The following NSD1 variants were observed in gnomAD, a reference collection of about 807,000 sequenced individuals.
The protein encoded by NSD1 is nuclear receptor binding SET domain protein 1.
A neutral mutation model predicts 242.7 loss-of-function variants in NSD1; 26 were observed. The observed-to-expected ratio is 0.11, with a 90% CI of 0.08 to 0.15. The LOEUF (loss-of-function observed/expected upper bound fraction) is 0.15, where lower values mean the gene tolerates loss of function less well. Ranked by LOEUF, NSD1 falls within the 10% of genes least tolerant of loss-of-function variation. NSD1 has a pLI of 1.00. For missense variants in NSD1, 2,495 were observed against 3,272.8 expected (o/e 0.76, Z 5.80); for synonymous variants, 1,106 against 1,178.1 (o/e 0.94, Z 1.25).
At chr5:177,257,935 A>T (rs1479178148) in intron 13 of NSD1, among the ~76,000 whole-genome samples, 1 of 134,346 alleles carries the variant, frequency 7.4e-6, no homozygotes, top group South Asian at 2.3e-4. Flanking sequence ...AAGTGCTGGC[A>T]TTACAGGCGT....
At chr5:177,199,577 A>C (rs969828532) in intron 3 of NSD1, among the ~76,000 whole-genome samples, 1 of 133,228 alleles carries the variant, frequency 7.5e-6, no homozygotes, top group African/African-American at 3.4e-5. Flanking sequence ...ATTCAACTTA[A>C]TATTTTCTTT....
chr5:177,133,964 GC>G lies in NSD1; in HGVS notation c.-18+13del, dbSNP rs1194436144. ...GGGCGCGGGGCACGGTAACTAGTGCGCTGGGGTGGGCGGCGGGCAGGCGCGA... is the reference window on the plus strand; with the variant it reads ...GGGCGCGGGGCACGGTAACTAGTGCGTGGGGTGGGCGGCGGGCAGGCGCGA... On this transcript the variant is annotated intron_variant, in intron 1 of 22. Transcript: ENST00000439151. This position sits in a 1 kb window ranked among gnomAD's most constrained non-coding sequence, Gnocchi z 6.2. The G allele has an allele frequency of 5.2e-5, 8 of 155,046 alleles. No homozygotes were observed. Among genetic ancestry groups the G allele is most frequent in the Admixed American group, 2.6e-4 (4 of 15,514 alleles). The allele number at this position is 155,046 out of a possible 1,614,324, so 9.6% of individuals were successfully genotyped here.
At chr5:177,145,915 A>AG (rs1360671614) in intron 2 of NSD1, among the ~76,000 whole-genome samples, 1 of 150,938 alleles carries the variant, frequency 6.6e-6, no homozygotes, top group Non-Finnish European at 1.5e-5. Flanking sequence ...TCTCAAAAAA[A>AG]AAAAAAAAAA....
At position 177,297,996 on chromosome 5, in the gene NSD1, T is replaced by TGGA. The variant is rs1347748088; in HGVS notation, c.*2538_*2540dup. 2.6e-5 allele frequency: 6 copies of TGGA among 232,814 alleles called. No individual in the cohort carries two copies. The highest frequency in any genetic ancestry group is 5.1e-5 in the Non-Finnish European group (6 of 118,000). The allele number at this position is 232,814 out of a possible 1,614,324, so 14.4% of individuals were successfully genotyped here. A position where few individuals can be genotyped will look rare whatever the true frequency, so the allele number is the denominator to read the frequency against. On this transcript the variant is annotated 3_prime_UTR_variant, in exon 23 of 23. Coordinates refer to ENST00000439151, the MANE Select transcript of NSD1 (RefSeq NM_022455.5). ...CATTGAATGGGAACTAGAAAACCAC[T>TGGA]GGAAACTAGAAATTTGAGCTATTGG...
intron 12 of NSD1, among the ~76,000 whole-genome samples, chr5:177,254,663 C>T (rs1756280771): frequency 1.3e-5 from 2 of 152,114 alleles, no homozygotes; most frequent in Admixed American, 1.3e-4. Context: ...GCCTCCCAAA[C>T]TCCCAAAGGG....
intron 4 of NSD1, among the ~76,000 whole-genome samples, chr5:177,207,618 T>TTTG (rs1762992287): frequency 6.9e-6 from 1 of 145,470 alleles, no homozygotes; most frequent in Admixed American, 6.8e-5. Flanking sequence ...TTTTTTTTTT[T>TTTG]TTTTAGAGAA....
intron 2 of NSD1, among the ~76,000 whole-genome samples, chr5:177,143,524 G>A (rs1756989050): frequency 6.6e-6 from 1 of 152,048 alleles, no homozygotes; most frequent in South Asian, 2.1e-4. Flanking sequence ...GTTTCACCAC[G>A]TTGGTTAAGC....
intron 4 of NSD1, among the ~76,000 whole-genome samples, chr5:177,208,626 C>G (rs1763087046): frequency 6.6e-6 from 1 of 151,706 alleles, no homozygotes; most frequent in African/African-American, 2.4e-5. Context: ...TTACTGGGTA[C>G]AAATGATTCT....
chr5:177,269,590 C>G lies in NSD1; in HGVS notation c.5304-12C>G. The G allele has an allele frequency of 1.2e-6, 2 of 1,613,776 alleles. No homozygotes were observed. The highest frequency in any genetic ancestry group is 8.5e-7 in the Non-Finnish European group (1 of 1,179,716). On this transcript the variant is annotated splice_polypyrimidine_tract_variant and intron_variant, in intron 15 of 22. Transcript: ENST00000439151. The surrounding 1 kb of genome is among the most constrained non-coding windows in gnomAD (Gnocchi z 5.1). ...TTCTAGAGGTTTTCCTTCTCCTTTT[C>G]ACCTTTCCCAGGTGGTGGCCAGCTG...
rs587784199 is a variant in NSD1 at position 177,292,149 on chromosome 5, C to T, written c.6454C>T (p.Arg2152Ter). Residue 2152 changes from arginine (R) to a stop codon, truncating the protein, a stop_gained, in exon 22 of 23, where the codon CGA becomes TGA. Coordinates refer to ENST00000439151, the MANE Select transcript of NSD1 (RefSeq NM_022455.5). LOFTEE classifies it high-confidence loss of function. ...CGCAGACTGTCTCAATCTGACCAAG[C>T]GACCAGCAGGTTGGTGCCAAAATCC... ...YHADCLNLTK[R>*]PAGKWECPWH... 1 of 1,614,028 alleles carries T rather than the reference C, an allele frequency of 6.2e-7. No homozygotes were observed.
intron 2 of NSD1, among the ~76,000 whole-genome samples, chr5:177,141,894 T>C (rs1445959364): frequency 6.6e-6 from 1 of 152,140 alleles, no homozygotes; most frequent in Non-Finnish European, 1.5e-5. Context: ...AGTGCAGTGG[T>C]GCCATCTCGG....
At chr5:177,288,184 G>A (rs1369888171) in intron 20 of NSD1, among the ~76,000 whole-genome samples, 1 of 152,186 alleles carries the variant, frequency 6.6e-6, no homozygotes, top group Non-Finnish European at 1.5e-5. Context: ...GAGAGAAAGA[G>A]GACAGTTTGC....
upstream of NSD1, among the ~76,000 whole-genome samples, chr5:177,132,852 C>G (rs1755970161): frequency 6.6e-6 from 1 of 152,122 alleles, no homozygotes; most frequent in African/African-American, 2.4e-5. The surrounding 1 kb of genome is among the most constrained non-coding windows in gnomAD (Gnocchi z 7.5). Context: ...GCTGTGGGCA[C>G]CGCAGGGCCG....
chr5:177,250,415 C>T (rs1257836250), intron 11 of NSD1, among the ~76,000 whole-genome samples: 1 of 152,236 alleles, frequency 6.6e-6, no homozygotes, highest in Admixed American at 6.5e-5. Context: ...AATAGCACTT[C>T]TTTTCACTCT....
chr5:177,248,667 T>G (rs1766489445), intron 11 of NSD1, among the ~76,000 whole-genome samples: 1 of 152,246 alleles, frequency 6.6e-6, no homozygotes, highest in Non-Finnish European at 1.5e-5. Context: ...TAAGAAACTT[T>G]TCAAGGGTAA....
At chr5:177,136,168 G>C in intron 2 of NSD1, 138 bp downstream of exon 2, 1 of 730,094 alleles carries the variant, frequency 1.4e-6, no homozygotes, top group Non-Finnish European at 2.3e-6. Context: ...ATAAGCTTTG[G>C]GCAAAATTTT....
intron 2 of NSD1, among the ~76,000 whole-genome samples, chr5:177,151,929 C>T (rs1440617002): frequency 3.9e-5 from 6 of 151,998 alleles, no homozygotes; most frequent in South Asian, 2.1e-4. Flanking sequence ...GGTGCCATCT[C>T]GGCTCACTGA....
intron 2 of NSD1, chr5:177,137,040 G>GTT: frequency 2.1e-6 from 1 of 482,288 alleles, no homozygotes; most frequent in Non-Finnish European, 3.8e-6. Flanking sequence ...TATTTGAGTT[G>GTT]TTGTTTTCAG....
At chr5:177,271,631 A>G (rs1757949787) in intron 16 of NSD1, among the ~76,000 whole-genome samples, 1 of 152,226 alleles carries the variant, frequency 6.6e-6, no homozygotes, top group Admixed American at 6.5e-5. Context: ...GAATCTATTA[A>G]TAAAATCCTG....
Sources: allele counts gnomAD v4.1 joint callset (sites outside exome capture counted in the v4.1 genomes callset), GRCh38; gene constraint gnomAD v4.1.1; non-coding constraint Gnocchi (gnomAD v3.1); transcripts MANE v1.5; gene names NCBI Gene and HGNC (gene_info 2026-07-23, HGNC 2026-07-21).